ENOX1: variants seen among roughly 807,000 people sequenced by gnomAD.
ENOX1 encodes the protein ecto-NOX disulfide-thiol exchanger 1.
ENOX1 carries 42 observed loss-of-function variants against 82.5 expected under a neutral mutation model. The observed-to-expected ratio is 0.51, with a 90% confidence interval of 0.40 to 0.66. The LOEUF (loss-of-function observed/expected upper bound fraction) is 0.66, where lower values mean the gene tolerates loss of function less well. Ranked by LOEUF, ENOX1 falls within the 30% of genes least tolerant of loss-of-function variation. The pLI is 0.00. For missense variants in ENOX1, 608 were observed against 811.6 expected (o/e 0.75, Z 3.05); for synonymous variants, 271 against 282.2 (o/e 0.96, Z 0.40).
At chr13:43,561,928 C>T (rs934825899) in intron 2 of ENOX1, among the ~76,000 whole-genome samples, 7 of 149,280 alleles carry the variant, frequency 4.7e-5, no homozygotes, top group East Asian at 4.0e-4. Context: ...ATAATAACAC[C>T]GCTGCACTCC....
intron 3 of ENOX1, among the ~76,000 whole-genome samples, chr13:43,444,127 A>G (rs537818347): frequency 6.6e-6 from 1 of 152,322 alleles, no homozygotes; most frequent in East Asian, 1.9e-4. Context: ...CAGTGAATTG[A>G]GGAAAAGCAA....
chr13:43,439,871 C>G (rs2056267069), intron 3 of ENOX1, among the ~76,000 whole-genome samples: 1 of 152,064 alleles, frequency 6.6e-6, no homozygotes, highest in African/African-American at 2.4e-5. Context: ...ACATTTGAAG[C>G]CACAATGCAT....
intron 2 of ENOX1, among the ~76,000 whole-genome samples, chr13:43,579,187 A>G (rs1444531250): frequency 6.6e-6 from 1 of 152,146 alleles, no homozygotes; most frequent in Non-Finnish European, 1.5e-5. Flanking sequence ...TAAATTCCAT[A>G]ATGGGTTGAA....
chr13:43,709,366 A>G (rs369567538), intron 1 of ENOX1, among the ~76,000 whole-genome samples: 3 of 152,252 alleles, frequency 2.0e-5, no homozygotes, highest in South Asian at 2.1e-4. Flanking sequence ...AAAAAGTAAA[A>G]AATAAGTTTG....
chr13:43,308,223 C>G (rs1303591707), intron 11 of ENOX1, among the ~76,000 whole-genome samples: 2 of 152,182 alleles, frequency 1.3e-5, no homozygotes, highest in Non-Finnish European at 2.9e-5. Flanking sequence ...CGACACAGAC[C>G]TGTGAGGGGA....
At chr13:43,559,504 TA>T (rs1197408440) in intron 2 of ENOX1, among the ~76,000 whole-genome samples, 1 of 152,198 alleles carries the variant, frequency 6.6e-6, no homozygotes, top group Non-Finnish European at 1.5e-5. Flanking sequence ...ATTTAGGTCT[TA>T]CTGTCTCTCA....
At chr13:43,680,600 GTTAT>G (rs1173225295) in intron 1 of ENOX1, among the ~76,000 whole-genome samples, 1 of 152,176 alleles carries the variant, frequency 6.6e-6, no homozygotes, top group Non-Finnish European at 1.5e-5. Flanking sequence ...ACTTCGGCAA[GTTAT>G]TTAACCTCTC....
chr13:43,366,449 T>C (rs1224310405), intron 5 of ENOX1, among the ~76,000 whole-genome samples: 3 of 152,216 alleles, frequency 2.0e-5, no homozygotes, highest in African/African-American at 7.2e-5. Context: ...TAATTTTTTT[T>C]GTATTTTTAG....
rs1444544141 is a variant in ENOX1 at position 43,681,328 on chromosome 13, C to T, written c.-284-13784G>A. On this transcript the variant is annotated intron_variant, in intron 1 of 16. Transcript: ENST00000690772. Reference sequence around the variant, plus strand: ...GGCCTGTAAGACAAAGACATTTGTCCTGGGTTGTATAGCTCTATAATGGCA... The same window carrying T: ...GGCCTGTAAGACAAAGACATTTGTCTTGGGTTGTATAGCTCTATAATGGCA... Among the ~76,000 whole-genome samples the T allele has an allele frequency of 2.0e-5, 3 of 152,084 alleles. No homozygotes were observed. In the East Asian group the frequency reaches 5.8e-4, roughly 29 times the overall value.
At chr13:43,447,950 T>A (rs1483823694) in intron 3 of ENOX1, among the ~76,000 whole-genome samples, 2 of 152,220 alleles carry the variant, frequency 1.3e-5, no homozygotes, top group East Asian at 1.9e-4. Context: ...TATACAGATA[T>A]AGAAATGTTT....
chr13:43,553,873 G>T (rs148851179), intron 2 of ENOX1, among the ~76,000 whole-genome samples: 1 of 152,066 alleles, frequency 6.6e-6, no homozygotes, highest in African/African-American at 2.4e-5. Context: ...TCAGCCTCCC[G>T]AGCAGCTGGG....
At chr13:43,226,613 A>G (rs1370643259) in intron 15 of ENOX1, among the ~76,000 whole-genome samples, 1 of 152,198 alleles carries the variant, frequency 6.6e-6, no homozygotes, top group African/African-American at 2.4e-5. Flanking sequence ...TGGGGCTTTC[A>G]CTGACCATCC....
chr13:43,430,627 TC>T (rs1389839113), intron 3 of ENOX1, among the ~76,000 whole-genome samples: 1 of 152,224 alleles, frequency 6.6e-6, no homozygotes, highest in Non-Finnish European at 1.5e-5. Flanking sequence ...AGGCACAATG[TC>T]CACAATTAGA....
chr13:43,616,114 ATAGATC>A (rs1312863860), intron 2 of ENOX1, among the ~76,000 whole-genome samples: 18 of 42,232 alleles, frequency 4.3e-4, no homozygotes, highest in African/African-American at 1.1e-3. Flanking sequence ...ATAGATATCT[ATAGATC>A]TATAGATATC....
chr13:43,390,337 T>A (rs1302699259), intron 5 of ENOX1, among the ~76,000 whole-genome samples: 2 of 100,958 alleles, frequency 2.0e-5, no homozygotes, highest in African/African-American at 5.0e-5. Context: ...CAGATGGCTG[T>A]GTCTAATAAT....
At chr13:43,300,570 T>C (rs1402783138) in intron 11 of ENOX1, among the ~76,000 whole-genome samples, 1 of 152,082 alleles carries the variant, frequency 6.6e-6, no homozygotes, top group Non-Finnish European at 1.5e-5. Context: ...GGTAGAACAC[T>C]TGGGGCAAGA....
At chr13:43,434,161 C>T (rs1357684355) in intron 3 of ENOX1, among the ~76,000 whole-genome samples, 1 of 152,184 alleles carries the variant, frequency 6.6e-6, no homozygotes, top group Non-Finnish European at 1.5e-5. Context: ...ACATGGTCAC[C>T]CTGGTGACAA....
At chr13:43,596,374 A>G (rs773047473) in intron 2 of ENOX1, among the ~76,000 whole-genome samples, 1 of 152,234 alleles carries the variant, frequency 6.6e-6, no homozygotes, top group Non-Finnish European at 1.5e-5. Flanking sequence ...AATAATACTC[A>G]TATGTAGAAA....
intron 2 of ENOX1, among the ~76,000 whole-genome samples, chr13:43,548,760 C>T (rs752563816): frequency 1.6e-4 from 25 of 152,198 alleles, no homozygotes; most frequent in Non-Finnish European, 2.8e-4. Context: ...ACCCAAGGTG[C>T]GGCTGGCAGG....
Sources: gnomAD v4.1 joint callset for allele counts (sites outside exome capture counted in the v4.1 genomes callset) on GRCh38, gnomAD v4.1.1 for gene constraint, MANE v1.5 for transcripts, NCBI Gene and HGNC (gene_info 2026-07-23, HGNC 2026-07-21) for gene names.